SEMA3D: variants seen among roughly 807,000 people sequenced by gnomAD.
The protein encoded by SEMA3D is semaphorin-3D.
SEMA3D carries 84 observed loss-of-function variants against 100.1 expected under a neutral mutation model. The observed-to-expected ratio is 0.84, with a 90% CI of 0.70 to 1.01. The LOEUF is 1.01. Among genes scored for constraint, SEMA3D ranks in the 50% least tolerant of loss-of-function variants. The probability of loss-of-function intolerance (pLI) is 0.00; values close to 1 mark genes in which losing one functional copy is unlikely to be tolerated. For missense variants in SEMA3D, 875 were observed against 934.1 expected (o/e 0.94, Z 0.82); for synonymous variants, 312 against 320.7 (o/e 0.97, Z 0.29).
intron 1 of SEMA3D, among the ~76,000 whole-genome samples, chr7:85,173,833 T>TTGTC (rs1461162995): frequency 6.6e-6 from 1 of 152,156 alleles, no homozygotes; most frequent in Non-Finnish European, 1.5e-5. Context: ...ACAGAGCTAG[T>TTGTC]ATCTGGACCC....
At chr7:85,080,532 A>G (rs185972612) in intron 5 of SEMA3D, among the ~76,000 whole-genome samples, 2 of 152,286 alleles carry the variant, frequency 1.3e-5, no homozygotes, top group Admixed American at 1.3e-4. Context: ...TAGAGGTACG[A>G]TTAAAGGATG....
At chr7:85,248,497 C>T in the SEMA3D span, among the ~76,000 whole-genome samples, 25 of 152,218 alleles carry the variant, frequency 1.6e-4, no homozygotes, top group East Asian at 3.7e-3. Context: ...GAACTGATAA[C>T]GCATAGCCAC....
intron 18 of SEMA3D, among the ~76,000 whole-genome samples, chr7:85,004,345 G>C (rs1789735770): frequency 6.6e-6 from 1 of 151,970 alleles, no homozygotes; most frequent in African/African-American, 2.4e-5. Context: ...GCTTACAAGT[G>C]GAATAATGCA....
intron 12 of SEMA3D, among the ~76,000 whole-genome samples, chr7:85,036,133 A>T (rs189304183): frequency 0.026 from 3,876 of 151,526 alleles, 72 homozygotes; most frequent in Non-Finnish European, 0.039. Context: ...TGAAAAAAAA[A>T]TTTTTTTCCT....
At chr7:85,093,101 T>C (rs1788445767) in intron 4 of SEMA3D, among the ~76,000 whole-genome samples, 1 of 152,084 alleles carries the variant, frequency 6.6e-6, no homozygotes, top group Non-Finnish European at 1.5e-5. Context: ...AACTTTTATG[T>C]TTCCCTTGGG....
At chr7:85,090,344 G>C (rs529889750) in intron 4 of SEMA3D, among the ~76,000 whole-genome samples, 1 of 152,058 alleles carries the variant, frequency 6.6e-6, no homozygotes, top group East Asian at 1.9e-4. Context: ...ATCAGCACCC[G>C]GGCTAGGGAG....
intron 3 of SEMA3D, among the ~76,000 whole-genome samples, chr7:85,113,195 T>G (rs1373442524): frequency 6.6e-6 from 1 of 152,196 alleles, no homozygotes; most frequent in African/African-American, 2.4e-5. Flanking sequence ...AAGCCCAATT[T>G]GTAGGACAAT....
the SEMA3D span, among the ~76,000 whole-genome samples, chr7:85,213,005 C>T: frequency 6.6e-6 from 1 of 152,016 alleles, no homozygotes; most frequent in East Asian, 1.9e-4. Flanking sequence ...CAGGTTTATT[C>T]TAGAATTTAT....
At chr7:85,049,118 T>C (rs1791087886) in intron 9 of SEMA3D, among the ~76,000 whole-genome samples, 1 of 151,608 alleles carries the variant, frequency 6.6e-6, no homozygotes, top group Non-Finnish European at 1.5e-5. Flanking sequence ...TGAAATACTT[T>C]AGATGAAATA....
At chr7:85,206,122 A>T in the SEMA3D span, among the ~76,000 whole-genome samples, 1 of 152,110 alleles carries the variant, frequency 6.6e-6, no homozygotes, top group African/African-American at 2.4e-5. Flanking sequence ...TGAATGTGCC[A>T]GGTTGGTGCA....
At chr7:85,149,227 C>T (rs1386302797) in intron 2 of SEMA3D, among the ~76,000 whole-genome samples, 8 of 151,454 alleles carry the variant, frequency 5.3e-5, no homozygotes. Flanking sequence ...GGTGGATCAC[C>T]TGATGTCAGG....
intron 1 of SEMA3D, among the ~76,000 whole-genome samples, chr7:85,175,583 C>T (rs945308645): frequency 3.3e-5 from 5 of 152,160 alleles, no homozygotes; most frequent in African/African-American, 1.2e-4. Context: ...AGTATAGGTG[C>T]TTTTGAACAG....
intron 1 of SEMA3D, among the ~76,000 whole-genome samples, chr7:85,161,896 T>C (rs1442322283): frequency 6.6e-6 from 1 of 152,156 alleles, no homozygotes; most frequent in Non-Finnish European, 1.5e-5. Flanking sequence ...GATTTCTGCA[T>C]TTTAAGAAAC....
chr7:85,045,234 T>G (rs905160293), intron 9 of SEMA3D, among the ~76,000 whole-genome samples: 7 of 152,110 alleles, frequency 4.6e-5, no homozygotes, highest in Middle Eastern at 6.8e-3. Flanking sequence ...ATAAACTGTG[T>G]TTAGTTGAAG....
intron 5 of SEMA3D, among the ~76,000 whole-genome samples, chr7:85,080,504 C>G (rs1180123868): frequency 6.6e-6 from 1 of 152,066 alleles, no homozygotes; most frequent in African/African-American, 2.4e-5. Context: ...GAGCTTAATA[C>G]CCCCGCATTA....
chr7:85,249,305 CAAGG>C, the SEMA3D span, among the ~76,000 whole-genome samples: 1 of 152,000 alleles, frequency 6.6e-6, no homozygotes, highest in Non-Finnish European at 1.5e-5. Flanking sequence ...TAATCAAAAA[CAAGG>C]AAAGCCTCAA....
At chr7:85,093,359 T>C (rs1788456625) in intron 4 of SEMA3D, among the ~76,000 whole-genome samples, 1 of 151,930 alleles carries the variant, frequency 6.6e-6, no homozygotes, top group South Asian at 2.1e-4. Flanking sequence ...GTTTTTTTGC[T>C]CCTAAAAAAG....
At chr7:85,040,037 T>C (rs1790812263) in intron 11 of SEMA3D, among the ~76,000 whole-genome samples, 1 of 145,696 alleles carries the variant, frequency 6.9e-6, no homozygotes, top group Non-Finnish European at 1.5e-5. Context: ...AGTGCAGTGG[T>C]ACCATCATGG....
In SEMA3D at chr7:85,032,008, A is replaced by G. The variant is rs566667806; in HGVS notation, c.1191+4881T>C. Among the ~76,000 whole-genome samples, 492 of 152,090 alleles carry G rather than the reference A, an allele frequency of 3.2e-3. 1 individual carries two copies. Among genetic ancestry groups the G allele is most frequent in the African/African-American group, 0.011 (439 of 41,554 alleles). ...AGGAAATAAGTGCATATTACAGAATATTAACGAATAGAGAGAGAAGACTGA... is the reference window on the plus strand; with the variant it reads ...AGGAAATAAGTGCATATTACAGAATGTTAACGAATAGAGAGAGAAGACTGA... On this transcript the variant is annotated intron_variant, in intron 12 of 18. Coordinates refer to ENST00000284136, the MANE Select transcript of SEMA3D (RefSeq NM_001384900.1).
Sources: gnomAD v4.1 joint callset for allele counts (sites outside exome capture counted in the v4.1 genomes callset) on GRCh38, gnomAD v4.1.1 for gene constraint, MANE v1.5 for transcripts, NCBI Gene and HGNC (gene_info 2026-07-23, HGNC 2026-07-21) for gene names.